The following GABBR2 variants were observed in gnomAD, a reference collection of about 807,000 sequenced individuals.
The protein encoded by GABBR2 is gamma-aminobutyric acid type B receptor subunit 2, also known as G-protein coupled receptor 51.
GABBR2 carries 23 observed loss-of-function variants against 105.6 expected under a neutral mutation model. The observed-to-expected ratio is 0.22, with a 90% confidence interval of 0.16 to 0.31. GABBR2 has a LOEUF of 0.31. Ranked by LOEUF, GABBR2 falls within the 10% of genes least tolerant of loss-of-function variation. GABBR2 has a pLI of 1.00. For missense variants in GABBR2, 734 were observed against 1,245.5 expected, an observed-to-expected ratio of 0.59 and a Z score of 6.18; for synonymous variants, 478 against 499.7, an observed-to-expected ratio of 0.96 and a Z score of 0.58.
At chr9:98,294,765 G>A (rs552741122) in intron 17 of GABBR2, among the ~76,000 whole-genome samples, 13 of 152,200 alleles carry the variant, frequency 8.5e-5, no homozygotes, top group African/African-American at 1.7e-4. Context: ...GGTGTGAGCC[G>A]CTGCGCCCAG....
chr9:98,707,765 G>A (rs1830917191), intron 1 of GABBR2, among the ~76,000 whole-genome samples: 1 of 152,238 alleles, frequency 6.6e-6, no homozygotes, highest in African/African-American at 2.4e-5. Context: ...CCCGAGGCAG[G>A]GGTCTCCTGA....
chr9:98,552,000 T>C (rs187022936), intron 2 of GABBR2: 1 of 152,348 alleles, frequency 6.6e-6, no homozygotes, highest in African/African-American at 2.4e-5. Flanking sequence ...TTTAATCTGA[T>C]TTATTCAGAT....
chr9:98,493,590 C>A (rs1334448628), intron 4 of GABBR2, among the ~76,000 whole-genome samples: 1 of 152,214 alleles, frequency 6.6e-6, no homozygotes, highest in African/African-American at 2.4e-5. Context: ...TAATTCTGCT[C>A]TCTACTACCT....
At chr9:98,483,022 C>T (rs892262524) in intron 4 of GABBR2, among the ~76,000 whole-genome samples, 2 of 152,134 alleles carry the variant, frequency 1.3e-5, no homozygotes, top group South Asian at 4.1e-4. Flanking sequence ...AATCTCTCCC[C>T]CCAGCCTCAG....
intron 3 of GABBR2, among the ~76,000 whole-genome samples, chr9:98,539,417 G>A (rs1249783112): frequency 7.2e-5 from 11 of 152,152 alleles, no homozygotes; most frequent in Non-Finnish European, 1.5e-5. Flanking sequence ...AGGAGAAATG[G>A]GAAGTCTGAA....
chr9:98,666,976 T>C (rs1483569578), intron 1 of GABBR2, among the ~76,000 whole-genome samples: 1 of 152,120 alleles, frequency 6.6e-6, no homozygotes, highest in East Asian at 1.9e-4. Context: ...GGTGATCCAC[T>C]GGGATAGTGC....
intron 11 of GABBR2, 146 bp from the exon 12 acceptor site, chr9:98,371,717 T>C: frequency 1.6e-6 from 1 of 612,358 alleles, no homozygotes; most frequent in South Asian, 2.0e-5. Flanking sequence ...CATCTTTCAA[T>C]CAAATTTCCA....
chr9:98,695,808 A>C (rs1466532280), intron 1 of GABBR2, among the ~76,000 whole-genome samples: 1 of 152,138 alleles, frequency 6.6e-6, no homozygotes, highest in Non-Finnish European at 1.5e-5. Flanking sequence ...AGGTTGACCG[A>C]TGCCCAGTGT....
At chr9:98,616,900 C>T (rs143790545) in intron 1 of GABBR2, among the ~76,000 whole-genome samples, 4 of 152,294 alleles carry the variant, frequency 2.6e-5, no homozygotes, top group Admixed American at 1.3e-4. Context: ...CATTTTAAAA[C>T]TAAAGTTTCT....
intron 4 of GABBR2, among the ~76,000 whole-genome samples, chr9:98,483,642 C>T (rs1826979343): frequency 6.6e-6 from 1 of 152,138 alleles, no homozygotes; most frequent in South Asian, 2.1e-4. Flanking sequence ...ATTCATATTC[C>T]CACTTCGCCC....
chr9:98,535,110 C>A (rs1387657148), intron 3 of GABBR2, among the ~76,000 whole-genome samples: 1 of 151,912 alleles, frequency 6.6e-6, no homozygotes, highest in African/African-American at 2.4e-5. Flanking sequence ...TTCAGGGGGG[C>A]ACCGGGGGAA....
chr9:98,581,039 AG>A (rs1350587936), intron 1 of GABBR2: 2 of 152,256 alleles, frequency 1.3e-5, no homozygotes, highest in African/African-American at 2.4e-5. Flanking sequence ...ACAGGGACAG[AG>A]GACTCAGTCC....
At chr9:98,356,515 T>G (rs906060132) in intron 13 of GABBR2, among the ~76,000 whole-genome samples, 2 of 152,204 alleles carry the variant, frequency 1.3e-5, no homozygotes, top group African/African-American at 4.8e-5. Flanking sequence ...CGACACCAAA[T>G]GCAGGCAAGG....
At chr9:98,432,127 C>G (rs1008394476) in intron 7 of GABBR2, among the ~76,000 whole-genome samples, 3 of 152,312 alleles carry the variant, frequency 2.0e-5, no homozygotes, top group African/African-American at 7.2e-5. Flanking sequence ...AACTCCTGAT[C>G]TCAAAGTGAT....
At chr9:98,611,239 G>T (rs950306643) in intron 1 of GABBR2, among the ~76,000 whole-genome samples, 1 of 152,136 alleles carries the variant, frequency 6.6e-6, no homozygotes, top group Non-Finnish European at 1.5e-5. Flanking sequence ...GCCCTCTGTG[G>T]CATGGCCGCT....
At chr9:98,330,934 C>T (rs1200753287) in intron 13 of GABBR2, among the ~76,000 whole-genome samples, 2 of 152,182 alleles carry the variant, frequency 1.3e-5, no homozygotes, top group Non-Finnish European at 2.9e-5. Flanking sequence ...GAAGCAACCA[C>T]TAATCTAGTT....
intron 8 of GABBR2, among the ~76,000 whole-genome samples, chr9:98,400,759 A>G (rs1036335790): frequency 2.0e-5 from 3 of 152,156 alleles, no homozygotes; most frequent in African/African-American, 7.2e-5. Context: ...GAGTGGAAAA[A>G]ACAAAACAGA....
At chr9:98,570,171 G>A (rs1828807714) in intron 2 of GABBR2, among the ~76,000 whole-genome samples, 1 of 152,166 alleles carries the variant, frequency 6.6e-6, no homozygotes, top group Non-Finnish European at 1.5e-5. Context: ...TCTCCAAGGA[G>A]ACAGCCCCAT....
chr9:98,337,739 T>C (rs942184378), intron 13 of GABBR2, among the ~76,000 whole-genome samples: 1 of 152,206 alleles, frequency 6.6e-6, no homozygotes, highest in Admixed American at 6.5e-5. Context: ...GGAAAGGATA[T>C]TCTTTTCAAC....
Sources: gnomAD v4.1 joint callset for allele counts (sites outside exome capture counted in the v4.1 genomes callset) on GRCh38, gnomAD v4.1.1 for gene constraint, MANE v1.5 for transcripts, NCBI Gene and HGNC (gene_info 2026-07-23, HGNC 2026-07-21) for gene names.